Variants in SGCZ observed in about 807,000 individuals in gnomAD.
SGCZ encodes zeta-sarcoglycan.
A neutral mutation model predicts 41.3 loss-of-function variants in SGCZ; 40 were observed. The ratio of observed to expected loss-of-function variants is 0.97; its 90% confidence interval spans 0.75 to 1.26. The LOEUF (loss-of-function observed/expected upper bound fraction) is 1.26, where lower values mean the gene tolerates loss of function less well. Ranked by LOEUF, SGCZ falls within the 50% of genes most tolerant of loss-of-function variation. SGCZ has a pLI of 0.00. For synonymous variants in SGCZ, 206 were observed against 137.5 expected, an observed-to-expected ratio of 1.50 and a Z score of -3.49; for missense variants, 552 against 369.8, an observed-to-expected ratio of 1.49 and a Z score of -4.04.
intron 1 of SGCZ, among the ~76,000 whole-genome samples, chr8:15,168,332 G>GATAAA (rs1304389607): frequency 2.6e-5 from 4 of 152,138 alleles, no homozygotes; most frequent in Non-Finnish European, 4.4e-5. Context: ...CTGTTTCATG[G>GATAAA]GTAAAGACCA....
chr8:14,972,498 A>C (rs371236598), intron 1 of SGCZ, among the ~76,000 whole-genome samples: 1 of 152,158 alleles, frequency 6.6e-6, no homozygotes. Flanking sequence ...TAGACCATTA[A>C]ATGTAATGTG....
chr8:14,800,756 T>C (rs1801296248), intron 1 of SGCZ, among the ~76,000 whole-genome samples: 1 of 152,186 alleles, frequency 6.6e-6, no homozygotes, highest in South Asian at 2.1e-4. Context: ...CAATTAAACA[T>C]TTTTTCTTTA....
chr8:14,518,152 C>T (rs1406442644), intron 2 of SGCZ, among the ~76,000 whole-genome samples: 1 of 151,784 alleles, frequency 6.6e-6, no homozygotes, highest in Non-Finnish European at 1.5e-5. Flanking sequence ...TATTTCATCC[C>T]AGTAAGGTTT....
chr8:15,120,155 T>A (rs1295487509), intron 1 of SGCZ, among the ~76,000 whole-genome samples: 1 of 152,244 alleles, frequency 6.6e-6, no homozygotes. Context: ...CCAATTTTTA[T>A]ATTTTTCTAA....
chr8:14,422,231 A>G (rs1009859721), intron 2 of SGCZ, among the ~76,000 whole-genome samples: 4 of 152,212 alleles, frequency 2.6e-5, no homozygotes, highest in African/African-American at 7.2e-5. Flanking sequence ...ACAAGATTAA[A>G]TAAAGCAAAT....
At chr8:14,322,589 G>C (rs574136528) in intron 3 of SGCZ, among the ~76,000 whole-genome samples, 1 of 152,168 alleles carries the variant, frequency 6.6e-6, no homozygotes, top group South Asian at 2.1e-4. Context: ...TGCTGGTAGA[G>C]GGTTTCACAA....
At chr8:15,226,561 C>T (rs543510904) in intron 1 of SGCZ, among the ~76,000 whole-genome samples, 2 of 152,092 alleles carry the variant, frequency 1.3e-5, no homozygotes, top group African/African-American at 2.4e-5. Flanking sequence ...TTTTAGAGAC[C>T]TCTAAATCCC....
intron 1 of SGCZ, among the ~76,000 whole-genome samples, chr8:14,620,100 C>T (rs1437114554): frequency 6.6e-6 from 1 of 152,086 alleles, no homozygotes; most frequent in Non-Finnish European, 1.5e-5. Flanking sequence ...AGATATAGAC[C>T]AATGGAACAG....
intron 1 of SGCZ, among the ~76,000 whole-genome samples, chr8:15,070,438 G>A (rs1216698192): frequency 6.6e-6 from 1 of 152,080 alleles, no homozygotes; most frequent in Non-Finnish European, 1.5e-5. Flanking sequence ...TAACAGCAAA[G>A]CATTTATCCA....
chr8:14,518,793 A>G (rs1354587921), intron 2 of SGCZ, among the ~76,000 whole-genome samples: 1 of 151,740 alleles, frequency 6.6e-6, no homozygotes, highest in Non-Finnish European at 1.5e-5. Context: ...AGAAACAGAT[A>G]ATATAGAGAG....
chr8:15,021,379 G>T (rs1803242946), intron 1 of SGCZ, among the ~76,000 whole-genome samples: 1 of 152,296 alleles, frequency 6.6e-6, no homozygotes, highest in African/African-American at 2.4e-5. Context: ...AGCTATGTGT[G>T]AAAGGGCCCG....
chr8:14,845,972 TC>T (rs1004045743), intron 1 of SGCZ, among the ~76,000 whole-genome samples: 2 of 152,066 alleles, frequency 1.3e-5, no homozygotes, highest in African/African-American at 4.8e-5. Context: ...GATAAACGGG[TC>T]AGTTCACATG....
intron 1 of SGCZ, among the ~76,000 whole-genome samples, chr8:15,119,119 G>A (rs1468938659): frequency 1.3e-5 from 2 of 152,112 alleles, no homozygotes; most frequent in Non-Finnish European, 1.5e-5. Context: ...CCTTTTAAGG[G>A]TGTAATGAGC....
chr8:14,598,336 TA>T (rs1805480436), intron 1 of SGCZ, among the ~76,000 whole-genome samples: 1 of 152,162 alleles, frequency 6.6e-6, no homozygotes, highest in Admixed American at 6.5e-5. Flanking sequence ...ATACATTCTT[TA>T]TATATTGTTT....
At chr8:14,579,183 A>G (rs1327077538) in intron 1 of SGCZ, among the ~76,000 whole-genome samples, 1 of 152,192 alleles carries the variant, frequency 6.6e-6, no homozygotes, top group African/African-American at 2.4e-5. Flanking sequence ...TCTATTAGCT[A>G]AAATGTCAAC....
At chr8:14,327,831 A>G (rs1248899995) in intron 2 of SGCZ, among the ~76,000 whole-genome samples, 5 of 152,094 alleles carry the variant, frequency 3.3e-5, no homozygotes, top group East Asian at 3.9e-4. Context: ...GCCAGGCTGG[A>G]GTGCAGCGGC....
At chr8:15,022,197 T>A (rs1452953705) in intron 1 of SGCZ, among the ~76,000 whole-genome samples, 1 of 152,220 alleles carries the variant, frequency 6.6e-6, no homozygotes, top group African/African-American at 2.4e-5. Context: ...TATTTATACT[T>A]TCATTTTGTT....
At chr8:14,283,074 C>T (rs1432925203) in intron 3 of SGCZ, among the ~76,000 whole-genome samples, 4 of 151,802 alleles carry the variant, frequency 2.6e-5, no homozygotes, top group African/African-American at 9.7e-5. Flanking sequence ...TGCTCTCGAT[C>T]TCCTGACCTC....
At chr8:14,376,576 G>C (rs1804139304) in intron 2 of SGCZ, among the ~76,000 whole-genome samples, 1 of 151,968 alleles carries the variant, frequency 6.6e-6, no homozygotes, top group Admixed American at 6.6e-5. Flanking sequence ...GTTTTTCAAA[G>C]ACTCTACCCA....
Sources: gnomAD v4.1 joint callset for allele counts (sites outside exome capture counted in the v4.1 genomes callset) on GRCh38, gnomAD v4.1.1 for gene constraint, MANE v1.5 for transcripts, NCBI Gene and HGNC (gene_info 2026-07-23, HGNC 2026-07-21) for gene names.